CAST: variants seen among roughly 807,000 people sequenced by gnomAD.
CAST encodes the protein MIR583 host.
Under a neutral mutation model 119.6 loss-of-function variants are expected in CAST, and 76 were observed. That is an observed-to-expected ratio of 0.64 (90% CI 0.53 to 0.77). CAST has a LOEUF of 0.77. CAST is among the 30% of genes least tolerant of loss of function. The pLI is 0.00. For missense variants in CAST, 953 were observed against 946.5 expected (o/e 1.01, Z -0.09); for synonymous variants, 319 against 331.6 (o/e 0.96, Z 0.41).
chr5:96,201,858 G>A, the CAST span, among the ~76,000 whole-genome samples: 13 of 152,012 alleles, frequency 8.6e-5, no homozygotes, highest in Admixed American at 5.3e-4. Flanking sequence ...CATCTCCTAC[G>A]GTAGGTTGTT....
intron 1 of CAST, among the ~76,000 whole-genome samples, chr5:96,564,115 A>G (rs756971951): frequency 5.3e-5 from 8 of 152,178 alleles, no homozygotes; most frequent in Non-Finnish European, 1.0e-4. Flanking sequence ...TTTTGCCTCT[A>G]CTTCTGAACA....
intron 3 of CAST, chr5:96,702,800 G>T (rs1199924991): frequency 2.1e-5 from 21 of 985,348 alleles, no homozygotes; most frequent in Non-Finnish European, 2.5e-5. Flanking sequence ...CCGCCCCGTC[G>T]CACTCAGAGA....
chr5:96,559,236 C>T (rs1297035491), intron 1 of CAST, among the ~76,000 whole-genome samples: 1 of 152,076 alleles, frequency 6.6e-6, no homozygotes, highest in Non-Finnish European at 1.5e-5. Flanking sequence ...CTATGACAAA[C>T]CCACAGCCAA....
At chr5:95,972,059 A>G in the CAST span, among the ~76,000 whole-genome samples, 1 of 150,990 alleles carries the variant, frequency 6.6e-6, no homozygotes, top group Non-Finnish European at 1.5e-5. Flanking sequence ...TCCTGGCTTC[A>G]AGCCATTCTC....
the CAST span, among the ~76,000 whole-genome samples, chr5:96,502,793 A>C: frequency 6.6e-6 from 1 of 152,118 alleles, no homozygotes; most frequent in Non-Finnish European, 1.5e-5. Flanking sequence ...GACTATGGAA[A>C]TTTTTGCCAG....
At chr5:96,366,252 C>A in the CAST span, among the ~76,000 whole-genome samples, 25 of 152,244 alleles carry the variant, frequency 1.6e-4, no homozygotes, top group African/African-American at 5.8e-4. Flanking sequence ...TCTCTGGCTG[C>A]GCTTAACATT....
the CAST span, among the ~76,000 whole-genome samples, chr5:96,164,821 T>C: frequency 6.6e-6 from 1 of 152,162 alleles, no homozygotes; most frequent in Non-Finnish European, 1.5e-5. Flanking sequence ...TATTTTCCTT[T>C]TCTTCTTTCT....
intron 3 of CAST, among the ~76,000 whole-genome samples, chr5:96,698,133 A>G (rs1282889370): frequency 6.6e-6 from 1 of 152,236 alleles, no homozygotes; most frequent in South Asian, 2.1e-4. Flanking sequence ...GGTTTAGTAC[A>G]TTGTGGAAAA....
At chr5:96,095,125 G>A in the CAST span, among the ~76,000 whole-genome samples, 1 of 152,166 alleles carries the variant, frequency 6.6e-6, no homozygotes, top group African/African-American at 2.4e-5. Flanking sequence ...GCTGTATCTT[G>A]TGTCAGTCAT....
At chr5:96,580,104 A>G (rs1242204111) in intron 1 of CAST, among the ~76,000 whole-genome samples, 3 of 152,228 alleles carry the variant, frequency 2.0e-5, no homozygotes, top group African/African-American at 7.2e-5. Flanking sequence ...CCATAAGGCT[A>G]GTCTTAAAAT....
the CAST span, among the ~76,000 whole-genome samples, chr5:96,356,981 A>T: frequency 2.0e-5 from 3 of 152,110 alleles, no homozygotes; most frequent in Non-Finnish European, 4.4e-5. Flanking sequence ...ATGTTTTTCC[A>T]TTTGTTTGTG....
intron 1 of CAST, among the ~76,000 whole-genome samples, chr5:96,556,543 C>T (rs11760296): frequency 1.1e-4 from 16 of 152,222 alleles, no homozygotes; most frequent in African/African-American, 3.4e-4. Flanking sequence ...AACCACAGCA[C>T]GAGAACTATG....
At chr5:96,622,365 G>A (rs1300766741) in intron 1 of CAST, among the ~76,000 whole-genome samples, 2 of 152,170 alleles carry the variant, frequency 1.3e-5, no homozygotes, top group Admixed American at 6.5e-5. Context: ...ACCACTAGCT[G>A]CCAATGATTT....
chr5:96,041,966 GT>G, the CAST span, among the ~76,000 whole-genome samples: 2 of 152,098 alleles, frequency 1.3e-5, no homozygotes, highest in South Asian at 4.1e-4. Context: ...CCACACGATA[GT>G]TTCAGAGGTG....
intron 1 of CAST, among the ~76,000 whole-genome samples, chr5:96,583,650 C>G (rs529413619): frequency 3.2e-4 from 48 of 152,148 alleles, no homozygotes; most frequent in African/African-American, 9.9e-4. Flanking sequence ...AATGTTAGTA[C>G]CATTATTATT....
chr5:96,261,485 G>A, the CAST span, among the ~76,000 whole-genome samples: 1 of 152,186 alleles, frequency 6.6e-6, no homozygotes, highest in Non-Finnish European at 1.5e-5. Context: ...GAAGGGATGT[G>A]CAGAACAATT....
chr5:96,555,098 C>T (rs980879349), intron 1 of CAST, among the ~76,000 whole-genome samples: 1 of 152,210 alleles, frequency 6.6e-6, no homozygotes, highest in African/African-American at 2.4e-5. Context: ...AAGGCAGATG[C>T]ACACGTATGT....
At chr5:96,558,375 TAG>T (rs758138539) in intron 1 of CAST, among the ~76,000 whole-genome samples, 1 of 136,452 alleles carries the variant, frequency 7.3e-6, no homozygotes, top group Non-Finnish European at 1.7e-5. Context: ...CTGAAGGAAA[TAG>T]AGACACAAAA....
At chr5:96,175,046 A>T in the CAST span, among the ~76,000 whole-genome samples, 3 of 152,214 alleles carry the variant, frequency 2.0e-5, no homozygotes, top group African/African-American at 7.2e-5. Context: ...CAGATTTTTT[A>T]AACTAATCCA....
Sources: gnomAD v4.1 joint callset for allele counts (sites outside exome capture counted in the v4.1 genomes callset) on GRCh38, gnomAD v4.1.1 for gene constraint, MANE v1.5 for transcripts, NCBI Gene and HGNC (gene_info 2026-07-23, HGNC 2026-07-21) for gene names.